The following COBL variants were observed in gnomAD, a reference collection of about 807,000 sequenced individuals.
COBL encodes cordon-bleu WH2 repeat protein.
Under a neutral mutation model 98.8 loss-of-function variants are expected in COBL, and 51 were observed. The ratio of observed to expected loss-of-function variants is 0.52; its 90% CI spans 0.41 to 0.65. The LOEUF (loss-of-function observed/expected upper bound fraction) is 0.65. COBL is among the 30% of genes least tolerant of loss of function. The probability of loss-of-function intolerance (pLI) is 0.00; values close to 1 mark genes in which losing one functional copy is unlikely to be tolerated. For synonymous variants in COBL, 634 were observed against 651.7 expected (o/e 0.97, Z 0.41); for missense variants, 1,617 against 1,617.5 (o/e 1.00, Z 0.01).
intron 1 of COBL, among the ~76,000 whole-genome samples, chr7:51,292,880 A>G (rs956743841): frequency 2.0e-5 from 3 of 152,190 alleles, no homozygotes; most frequent in African/African-American, 7.2e-5. Context: ...CACAGGTTTC[A>G]TGCACCCCAC....
At chr7:51,231,221 G>T (rs1052211985) in intron 1 of COBL, among the ~76,000 whole-genome samples, 1 of 152,222 alleles carries the variant, frequency 6.6e-6, no homozygotes, top group Non-Finnish European at 1.5e-5. Flanking sequence ...TTGTAACCCA[G>T]TGTGGAATCA....
chr7:51,237,122 A>C (rs972326203), intron 1 of COBL, among the ~76,000 whole-genome samples: 4 of 152,236 alleles, frequency 2.6e-5, no homozygotes, highest in African/African-American at 9.6e-5. Flanking sequence ...GGCCTGGCCC[A>C]AGGAAGTCCT....
At chr7:51,096,807 T>C (rs1364531287) in intron 6 of COBL, among the ~76,000 whole-genome samples, 2 of 152,084 alleles carry the variant, frequency 1.3e-5, no homozygotes, top group African/African-American at 2.4e-5. Context: ...GAAACAAAAA[T>C]TCTGGACATA....
chr7:51,244,220 C>T (rs762174426), intron 1 of COBL, among the ~76,000 whole-genome samples: 1 of 152,258 alleles, frequency 6.6e-6, no homozygotes, highest in South Asian at 2.1e-4. Context: ...AATGTAAACA[C>T]AAGAATAGGC....
intron 6 of COBL, among the ~76,000 whole-genome samples, chr7:51,122,698 G>A (rs1295298575): frequency 6.6e-6 from 1 of 152,114 alleles, no homozygotes; most frequent in East Asian, 1.9e-4. Flanking sequence ...TAAATGTCAG[G>A]CCAGGCACAG....
At chr7:51,221,827 A>G (rs1089286) in intron 1 of COBL, among the ~76,000 whole-genome samples, 18,889 of 152,252 alleles carry the variant, frequency 0.12, 1,535 homozygotes, top group East Asian at 0.28. Context: ...TGATTAGATG[A>G]GGCTGTAAAC....
intron 6 of COBL, among the ~76,000 whole-genome samples, chr7:51,101,806 T>C (rs1795830126): frequency 2.0e-5 from 3 of 152,212 alleles, no homozygotes; most frequent in Non-Finnish European, 4.4e-5. Flanking sequence ...TTCCAAAGCA[T>C]GCAGCTAGCC....
chr7:51,207,096 ATATATG>A (rs1398695785), intron 2 of COBL, among the ~76,000 whole-genome samples: 1 of 152,230 alleles, frequency 6.6e-6, no homozygotes, highest in African/African-American at 2.4e-5. Flanking sequence ...TTTCACAAAT[ATATATG>A]TATATCAACA....
At chr7:51,058,802 T>C (rs1204013864) in intron 7 of COBL, among the ~76,000 whole-genome samples, 1 of 152,028 alleles carries the variant, frequency 6.6e-6, no homozygotes, top group Non-Finnish European at 1.5e-5. Flanking sequence ...TTAGAGCGAG[T>C]CTGATTGCTG....
intron 4 of COBL, among the ~76,000 whole-genome samples, chr7:51,185,769 G>A (rs1010853881): frequency 2.6e-5 from 4 of 152,186 alleles, no homozygotes; most frequent in African/African-American, 9.7e-5. Flanking sequence ...TTAACTTCTT[G>A]ACCTGCTAAT....
intron 1 of COBL, among the ~76,000 whole-genome samples, chr7:51,242,215 A>C (rs556329776): frequency 6.6e-6 from 1 of 152,202 alleles, no homozygotes; most frequent in African/African-American, 2.4e-5. Flanking sequence ...CCCACAACCA[A>C]TCAGACTGAC....
chr7:51,016,319 T>C lies in COBL; in HGVS notation c.*1232A>G, dbSNP rs1259638179. 2 of 152,218 alleles carry C rather than the reference T, an allele frequency of 1.3e-5. No homozygotes were observed. Among genetic ancestry groups the C allele is most frequent in the African/African-American group, 4.8e-5 (2 of 41,452 alleles). 9.4% of individuals were successfully genotyped at this position (152,218 alleles called of 1,614,324 possible). A position where few individuals can be genotyped will look rare whatever the true frequency, so the allele number is the denominator to read the frequency against. On this transcript the variant is annotated 3_prime_UTR_variant, in exon 13 of 13. Transcript: ENST00000265136. ...CCAAGAGTTTAGCAACGTTAATCAG[T>C]GAATGCAGAACAGCTTCCATTCTAC...
At chr7:51,104,941 A>T (rs1796122998) in intron 6 of COBL, among the ~76,000 whole-genome samples, 1 of 152,158 alleles carries the variant, frequency 6.6e-6, no homozygotes, top group South Asian at 2.1e-4. Flanking sequence ...ACAATAAGCG[A>T]ACACAATGTA....
chr7:51,109,832 A>G (rs1222200919), intron 6 of COBL, among the ~76,000 whole-genome samples: 2 of 152,172 alleles, frequency 1.3e-5, no homozygotes, highest in African/African-American at 4.8e-5. Flanking sequence ...CACCTTCCAC[A>G]GAAACGAAAG....
At chr7:51,066,891 A>T (rs988497352) in intron 7 of COBL, among the ~76,000 whole-genome samples, 2 of 152,264 alleles carry the variant, frequency 1.3e-5, no homozygotes, top group African/African-American at 4.8e-5. Flanking sequence ...GAGTTTACTA[A>T]CATGGTTGAT....
intron 6 of COBL, among the ~76,000 whole-genome samples, chr7:51,115,985 A>G (rs1797239650): frequency 6.6e-6 from 1 of 152,084 alleles, no homozygotes; most frequent in Admixed American, 6.5e-5. Flanking sequence ...AAACTCTAGT[A>G]ATATGTAAGG....
chr7:51,031,142 T>C (rs1788103882), intron 8 of COBL: 1 of 533,712 alleles, frequency 1.9e-6, no homozygotes. Context: ...TGTGCATGTG[T>C]GGAGTATATG....
At chr7:51,061,857 T>G in intron 7 of COBL, among the ~76,000 whole-genome samples, 1 of 151,488 alleles carries the variant, frequency 6.6e-6, no homozygotes, top group African/African-American at 2.4e-5. Flanking sequence ...CTTTCCGGGG[T>G]CTCCAGCTTA....
chr7:51,070,517 A>G (rs183704855), intron 7 of COBL, among the ~76,000 whole-genome samples: 9 of 152,260 alleles, frequency 5.9e-5, no homozygotes, highest in Middle Eastern at 3.4e-3. Flanking sequence ...GACTCAAGAC[A>G]TCTTGAATAC....
Sources: gnomAD v4.1 joint callset for allele counts (sites outside exome capture counted in the v4.1 genomes callset) on GRCh38, gnomAD v4.1.1 for gene constraint, MANE v1.5 for transcripts, NCBI Gene and HGNC (gene_info 2026-07-23, HGNC 2026-07-21) for gene names.